NUDT3: variants seen among roughly 807,000 people sequenced by gnomAD.
NUDT3 encodes nudix hydrolase 3.
NUDT3 carries 9 observed loss-of-function variants against 23.6 expected under a neutral mutation model. That is an observed-to-expected ratio of 0.38 (90% CI 0.23 to 0.66). The LOEUF is 0.66. Among genes scored for constraint, NUDT3 ranks in the 30% least tolerant of loss-of-function variants. NUDT3 has a pLI of 0.52. For synonymous variants in NUDT3, 86 were observed against 82.6 expected (o/e 1.04, Z -0.22); for missense variants, 172 against 218.5 (o/e 0.79, Z 1.34).
chr6:34,387,231 T>C (rs1415320425), intron 1 of NUDT3, among the ~76,000 whole-genome samples: 1 of 25,004 alleles, frequency 4.0e-5, no homozygotes, highest in Non-Finnish European at 6.5e-5. Context: ...AACTGTAGAG[T>C]GTATTCTATT....
At chr6:34,375,908 T>C (rs1764914914) in intron 1 of NUDT3, among the ~76,000 whole-genome samples, 2 of 152,136 alleles carry the variant, frequency 1.3e-5, no homozygotes, top group African/African-American at 4.8e-5. Context: ...TTCTTCCACC[T>C]CCGCTTTTAT....
At chr6:34,292,275 C>A (rs1418271091) in intron 4 of NUDT3, among the ~76,000 whole-genome samples, 3 of 152,104 alleles carry the variant, frequency 2.0e-5, no homozygotes, top group Non-Finnish European at 2.9e-5. Context: ...TACGAACTGC[C>A]CAGAGTAACA....
In NUDT3 at chr6:34,286,629, C is replaced by T. The variant is rs925912039; in HGVS notation, c.*2124G>A. 17 of 152,000 alleles carry T rather than the reference C, an allele frequency of 1.1e-4. No homozygotes were observed. The highest frequency in any genetic ancestry group is 2.4e-4 in the Non-Finnish European group (16 of 68,008). The allele number at this position is 152,000 out of a possible 1,614,324, so 9.4% of individuals were successfully genotyped here. A position where few individuals can be genotyped will look rare whatever the true frequency, so the allele number is the denominator to read the frequency against. On this transcript the variant is annotated 3_prime_UTR_variant, in exon 5 of 5. Transcript: ENST00000607016. ...TAAGTTGGCATTCAGACTCAAGTCC[C>T]ATGGTATTGTTCTTATCCAATGGGA...
chr6:34,363,797 T>TAAG lies in NUDT3; in HGVS notation c.100-21826_100-21825insCTT, dbSNP rs1764684263. The stretch of plus-strand genomic sequence containing the variant: ...CTTTTTCTTCTTTTTTTTTTTGAGA[T>TAAG]AGTCTCGCTCTGTCACCCAGGCTGG... On this transcript the variant is annotated intron_variant, in intron 1 of 4. Transcript: ENST00000607016. Among the ~76,000 whole-genome samples the TAAG allele has an allele frequency of 9.9e-5, 15 of 151,346 alleles. No individual in the cohort carries two copies. In the South Asian group the frequency reaches 2.9e-3, roughly 30 times the overall value.
At chr6:34,316,136 T>C (rs1763854382) in intron 2 of NUDT3, among the ~76,000 whole-genome samples, 1 of 152,170 alleles carries the variant, frequency 6.6e-6, no homozygotes, top group Admixed American at 6.5e-5. Context: ...AGCACTGGGA[T>C]TACAGGTGTG....
At chr6:34,359,170 G>GA (rs1169770247) in intron 1 of NUDT3, among the ~76,000 whole-genome samples, 1 of 152,122 alleles carries the variant, frequency 6.6e-6, no homozygotes, top group Non-Finnish European at 1.5e-5. Flanking sequence ...TCAGGAGATC[G>GA]AAACCATCCT....
At chr6:34,353,635 C>T (rs1433766600) in intron 1 of NUDT3, among the ~76,000 whole-genome samples, 1 of 151,644 alleles carries the variant, frequency 6.6e-6, no homozygotes, top group Non-Finnish European at 1.5e-5. Flanking sequence ...AACTCCTGAC[C>T]TCAAGTGATC....
intron 1 of NUDT3, among the ~76,000 whole-genome samples, chr6:34,384,558 G>A (rs901471000): frequency 2.0e-5 from 3 of 152,156 alleles, no homozygotes; most frequent in Non-Finnish European, 4.4e-5. Flanking sequence ...CTCTAAAAAA[G>A]GAAAGGCTGG....
At chr6:34,326,345 C>CA (rs956507087) in intron 2 of NUDT3, among the ~76,000 whole-genome samples, 2 of 151,860 alleles carry the variant, frequency 1.3e-5, no homozygotes, top group African/African-American at 2.4e-5. Context: ...CTTTCGGAGA[C>CA]AAAAAAACAA....
chr6:34,351,741 CAAA>C lies in NUDT3; in HGVS notation c.100-9772_100-9770del, dbSNP rs1017090378. 9.2e-5 allele frequency among the ~76,000 whole-genome samples: 5 copies of C among 54,310 alleles called. 1 individual carries two copies. The highest frequency in any genetic ancestry group is 2.7e-4 in the African/African-American group (4 of 14,728). The allele number at this position is 54,310 out of a possible 152,430, so 35.6% of individuals were successfully genotyped here. A position where few individuals can be genotyped will look rare whatever the true frequency, so the allele number is the denominator to read the frequency against. On this transcript the variant is annotated intron_variant, in intron 1 of 4. Coordinates refer to ENST00000607016, the MANE Select transcript of NUDT3 (RefSeq NM_006703.4). ...GTGCGACAAGAGTCAAACTCTGTCT[CAAA>C]AAAAAAAAAAAAAAAAAAGAAATAG...
intron 1 of NUDT3, among the ~76,000 whole-genome samples, chr6:34,347,627 G>A (rs1441441443): frequency 6.6e-6 from 1 of 152,096 alleles, no homozygotes; most frequent in African/African-American, 2.4e-5. Flanking sequence ...ATGAAGGGAG[G>A]GAGAAATACA....
At chr6:34,379,661 T>A (rs562572213) in intron 1 of NUDT3, among the ~76,000 whole-genome samples, 2 of 152,026 alleles carry the variant, frequency 1.3e-5, no homozygotes, top group East Asian at 3.9e-4. Context: ...TCATCCCACC[T>A]TGTCCTCCCA....
chr6:34,306,660 C>T (rs924314751), intron 2 of NUDT3, among the ~76,000 whole-genome samples: 3 of 152,242 alleles, frequency 2.0e-5, no homozygotes, highest in African/African-American at 7.2e-5. Flanking sequence ...GGTTCCAACA[C>T]AAACCAGCTC....
At chr6:34,370,589 G>A (rs148965087) in intron 1 of NUDT3, among the ~76,000 whole-genome samples, 396 of 152,340 alleles carry the variant, frequency 2.6e-3, no homozygotes, top group African/African-American at 8.9e-3. Flanking sequence ...CACTGGTTGA[G>A]CCAAATATGG....
At position 34,345,429 on chromosome 6, in the gene NUDT3, C is replaced by T. The variant is rs532891092; in HGVS notation, c.100-3457G>A. ...CTGTAATCCCAGCACTTAGGGAGGT[C>T]GAGGCGGGCAGATCACAAGGTCAGG... On this transcript the variant is annotated intron_variant, in intron 1 of 4. Transcript: ENST00000607016. 1.2e-3 allele frequency among the ~76,000 whole-genome samples: 187 copies of T among 151,310 alleles called. 2 individuals are homozygous for T. The highest frequency in any genetic ancestry group is 4.3e-3 in the African/African-American group (176 of 41,288).
intron 2 of NUDT3, among the ~76,000 whole-genome samples, chr6:34,341,340 C>T (rs1255540385): frequency 1.3e-5 from 2 of 151,970 alleles, no homozygotes; most frequent in African/African-American, 4.8e-5. Flanking sequence ...GGCCCAGGAA[C>T]TCAACACATG....
At chr6:34,329,183 C>T (rs1764087718) in intron 2 of NUDT3, among the ~76,000 whole-genome samples, 1 of 152,106 alleles carries the variant, frequency 6.6e-6, no homozygotes. Flanking sequence ...CTTCTGGTTG[C>T]TCTGTGTGTG....
chr6:34,360,816 CT>C (rs1764639228), intron 1 of NUDT3, among the ~76,000 whole-genome samples: 1 of 151,980 alleles, frequency 6.6e-6, no homozygotes, highest in South Asian at 2.1e-4. Context: ...TTTCACAAGA[CT>C]TATCTGATAA....
At chr6:34,368,247 G>A (rs1764770473) in intron 1 of NUDT3, among the ~76,000 whole-genome samples, 1 of 152,148 alleles carries the variant, frequency 6.6e-6, no homozygotes, top group South Asian at 2.1e-4. Context: ...GTTTTCAGGT[G>A]TTTCTTTCTT....
Sources: gnomAD v4.1 joint callset for allele counts (sites outside exome capture counted in the v4.1 genomes callset) on GRCh38, gnomAD v4.1.1 for gene constraint, MANE v1.5 for transcripts, NCBI Gene and HGNC (gene_info 2026-07-23, HGNC 2026-07-21) for gene names.